B4GALNT4: variants seen among roughly 807,000 people sequenced by gnomAD.
B4GALNT4 encodes beta-1,4-N-acetyl-galactosaminyltransferase 4, also known as N-acetyl-beta-glucosaminyl-glycoprotein 4-beta-N-acetylgalactosaminyltransferase 1.
Under a neutral mutation model 110.0 loss-of-function variants are expected in B4GALNT4, and 77 were observed. The ratio of observed to expected loss-of-function variants is 0.70; its 90% confidence interval spans 0.58 to 0.85. The LOEUF is 0.85. Ranked by LOEUF, B4GALNT4 falls within the 40% of genes least tolerant of loss-of-function variation. The pLI is 0.00. For synonymous variants in B4GALNT4, 785 were observed against 655.5 expected (o/e 1.20, Z -3.02); for missense variants, 1,575 against 1,506.0 (o/e 1.05, Z -0.76).
intron 1 of B4GALNT4, among the ~76,000 whole-genome samples, 175 bp downstream of exon 1, chr11:370,129 C>G (rs2119629934): frequency 6.7e-6 from 1 of 149,698 alleles, no homozygotes; most frequent in South Asian, 2.1e-4. Context: ...AGACCCCGCC[C>G]GCTGTTCTCC....
At chr11:380,563 T>G in intron 18 of B4GALNT4, 118 bp downstream of exon 18, 2 of 1,419,556 alleles carry the variant, frequency 1.4e-6, no homozygotes, top group South Asian at 2.5e-5. Context: ...CCATCAGTGC[T>G]CCCCGTAGTG....
chr11:376,509 C>G lies in B4GALNT4; in HGVS notation c.1386C>G (p.Pro462=), dbSNP rs755189118. ...AAPPRSGPQS[P]APAAPAQPGA... The stretch of plus-strand genomic sequence containing the variant: ...CGCCCAGGAGCGGCCCCCAGTCCCC[C>G]GCCCCAGCAGCCCCCGCCCAGCCCG... Residue 462 remains proline (P), a synonymous_variant, in exon 14 of 20, where the codon CCC becomes CCG. Coordinates refer to ENST00000329962, the MANE Select transcript of B4GALNT4 (RefSeq NM_178537.5). The G allele has an allele frequency of 6.6e-7, 1 of 1,516,550 alleles. No homozygotes were observed. Among genetic ancestry groups the G allele is most frequent in the African/African-American group, 1.4e-5 (1 of 72,310 alleles). 93.9% of individuals were successfully genotyped at this position (1,516,550 alleles called of 1,614,324 possible). A position where few individuals can be genotyped will look rare whatever the true frequency, so the allele number is the denominator to read the frequency against.
chr11:376,431 C>T lies in B4GALNT4; in HGVS notation c.1308C>T (p.Asp436=), dbSNP rs1564870524. The T allele has an allele frequency of 1.3e-6, 2 of 1,597,570 alleles. No homozygotes were observed. Among genetic ancestry groups the T allele is most frequent in the East Asian group, 2.2e-5 (1 of 44,794 alleles). ...FLFLNPDDFL[D]DEDEGELLDS... is the part of the protein sequence containing the mutation. ...CCGCGTTTCCCGCAGACTTCCTGGA[C>T]GACGAGGACGAGGGGGAGCTGCTCG... The change falls in exon 14 of 20, where the codon GAC becomes GAT. Residue 436 remains aspartate, a synonymous_variant. Transcript: ENST00000329962.
In B4GALNT4 at chr11:369,578, G is replaced by T. The variant is rs1487460816; in HGVS notation, c.-226G>T. On this transcript the variant is annotated 5_prime_UTR_variant, in exon 1 of 20. Coordinates refer to ENST00000329962, the MANE Select transcript of B4GALNT4 (RefSeq NM_178537.5). Reference sequence around the variant, plus strand: ...CGGAGCCGGGAGCGGCCGGGCGGGGGGCACCGCGAGGAGCCGCCCCCGCCG... The same window carrying T: ...CGGAGCCGGGAGCGGCCGGGCGGGGTGCACCGCGAGGAGCCGCCCCCGCCG... Among the ~76,000 whole-genome samples, 1 of 143,222 alleles carries T rather than the reference G, an allele frequency of 7.0e-6. No homozygotes were observed. Among genetic ancestry groups the T allele is most frequent in the African/African-American group, 2.5e-5 (1 of 39,758 alleles). 94.0% of individuals were successfully genotyped at this position (143,222 alleles called of 152,430 possible).
rs560631193 is a variant in B4GALNT4, at chr11:373,121, G to A, written c.535+5G>A. The A allele has an allele frequency of 3.7e-6, 6 of 1,612,548 alleles. No homozygotes were observed. Among genetic ancestry groups the A allele is most frequent in the African/African-American group, 1.3e-5 (1 of 74,988 alleles). On this transcript the variant is annotated splice_donor_5th_base_variant and intron_variant, in intron 5 of 19. Coordinates refer to ENST00000329962, the MANE Select transcript of B4GALNT4 (RefSeq NM_178537.5). Reference sequence around the variant, plus strand: ...TCATCCACCCGGCGAGGGACGGTACGGGGGTGAGGGTGCCCCGGGGGAGGG... The same window carrying A: ...TCATCCACCCGGCGAGGGACGGTACAGGGGTGAGGGTGCCCCGGGGGAGGG...
Position 373,034 on chromosome 11 carries a change from C to G in B4GALNT4, c.453C>G (p.Thr151=). Residue 151 remains threonine, a synonymous_variant, in exon 5 of 20, where the codon ACC becomes ACG. Transcript: ENST00000329962. ...LHFPLFPHTR[T]TVKKLAVSPK... ...AGTCACTGCCCCCCCAGACGCGCAC[C>G]ACCGTGAAGAAGTTGGCCGTGTCCC... The G allele has an allele frequency of 6.2e-7, 1 of 1,612,592 alleles. No homozygotes were observed. Among genetic ancestry groups the G allele is most frequent in the Non-Finnish European group, 8.5e-7 (1 of 1,179,878 alleles).
rs750527299 is a variant in B4GALNT4 at position 376,057 on chromosome 11, G to GCCC, written c.1096-12_1096-10dup. On this transcript the variant is annotated splice_polypyrimidine_tract_variant and intron_variant, in intron 11 of 19. Transcript: ENST00000329962. Reference sequence around the variant, plus strand: ...GGGAGGTCCGCGCCCTGAGCCCTGCGCCCCCCCACCCCCCAGGTGTACCTG... The same window carrying GCCC: ...GGGAGGTCCGCGCCCTGAGCCCTGCGCCCCCCCCCCACCCCCCAGGTGTACCTG... 87 of 1,578,762 alleles carry GCCC rather than the reference G, an allele frequency of 5.5e-5. No individual in the cohort carries two copies. The highest frequency in any genetic ancestry group is 8.4e-5 in the Admixed American group (5 of 59,682).
In B4GALNT4 at chr11:377,091, C is replaced by A; in HGVS notation, c.1968C>A (p.Gly656=). ...AAGGGGAGGACGATGGGGCCCCGGGCGACGAGGCCGCGTCGGAGGACAGCG... is the reference window on the plus strand; with the variant it reads ...AAGGGGAGGACGATGGGGCCCCGGGAGACGAGGCCGCGTCGGAGGACAGCG... The part of the protein sequence containing the change: ...EEEGEDDGAP[G]DEAASEDSEE... The change falls in exon 14 of 20, where the codon GGC becomes GGA. Residue 656 remains glycine (G), a synonymous_variant. Coordinates refer to ENST00000329962, the MANE Select transcript of B4GALNT4 (RefSeq NM_178537.5). 1 of 1,452,290 alleles carries A rather than the reference C, an allele frequency of 6.9e-7. No individual in the cohort carries two copies. The highest frequency in any genetic ancestry group is 9.1e-7 in the Non-Finnish European group (1 of 1,102,924). 90.0% of individuals were successfully genotyped at this position (1,452,290 alleles called of 1,614,324 possible).
Position 375,623 on chromosome 11 carries a change from A to G in B4GALNT4, c.851-16A>G, listed in dbSNP as rs965660115. 5.6e-6 allele frequency: 9 copies of G among 1,593,072 alleles called. No individual in the cohort carries two copies. The Admixed American group carries it at 8.4e-5, about 15-fold the overall frequency. Reference sequence around the variant, plus strand: ...GGAGGGGGTCTGAGCACTCCCTGGAACTCTTCTGCCCCCAGATGAGTCAGC... The same window carrying G: ...GGAGGGGGTCTGAGCACTCCCTGGAGCTCTTCTGCCCCCAGATGAGTCAGC... On this transcript the variant is annotated splice_polypyrimidine_tract_variant and intron_variant, in intron 9 of 19. Coordinates refer to ENST00000329962, the MANE Select transcript of B4GALNT4 (RefSeq NM_178537.5).
chr11:372,949 T>G lies in B4GALNT4; in HGVS notation c.444+2T>G. On this transcript the variant is annotated splice_donor_variant, in intron 4 of 19. Transcript: ENST00000329962. LOFTEE classifies it high-confidence loss of function. The stretch of plus-strand genomic sequence containing the variant: ...CTGCACTTCCCGCTGTTCCCTCATG[T>G]GAGTGCCGGGGTTGGGGGGTGCCGG... The G allele has an allele frequency of 6.3e-7, 1 of 1,587,462 alleles. No homozygotes were observed. Among genetic ancestry groups the G allele is most frequent in the South Asian group, 1.1e-5 (1 of 90,456 alleles).
At chr11:381,324 A>G (rs1381997941) in intron 19 of B4GALNT4, among the ~76,000 whole-genome samples, 1 of 139,140 alleles carries the variant, frequency 7.2e-6, no homozygotes, top group African/African-American at 2.7e-5. Context: ...CGGGGTCCTG[A>G]CCACCTCTCC....
rs1364862227 is a variant in B4GALNT4 at position 375,560 on chromosome 11, C to T, written c.850+33C>T. 4.4e-6 allele frequency: 7 copies of T among 1,606,538 alleles called. No homozygotes were observed. In the South Asian group the frequency reaches 5.5e-5, roughly 13 times the overall value. ...CGGACGCCTCTGGGGATGTGGGGCT[C>T]CTCGGGATGGGCTCTGGGTGTGAGT... On this transcript the variant is annotated intron_variant, in intron 9 of 19. Transcript: ENST00000329962.
chr11:373,631 C>T, intron 7 of B4GALNT4, 115 bp downstream of exon 7: 1 of 1,515,354 alleles, frequency 6.6e-7, no homozygotes, highest in Non-Finnish European at 9.1e-7. Flanking sequence ...CCCGCCCGGC[C>T]AAGCTGCCAT....
At chr11:372,531 G>A in intron 2 of B4GALNT4, 131 bp from the exon 3 acceptor site, 1 of 842,122 alleles carries the variant, frequency 1.2e-6, no homozygotes, top group South Asian at 1.5e-5. Flanking sequence ...GGTTTGCATG[G>A]CTGGGGCTCA....
At position 376,533 on chromosome 11, in the gene B4GALNT4, C is replaced by T. The variant is rs1846757929; in HGVS notation, c.1410C>T (p.Pro470=). 2.1e-6 allele frequency: 3 copies of T among 1,433,388 alleles called. No homozygotes were observed. The highest frequency in any genetic ancestry group is 2.8e-5 in the East Asian group (1 of 35,788). 88.8% of individuals were successfully genotyped at this position (1,433,388 alleles called of 1,614,324 possible). ...QSPAPAAPAQ[P]GATLAPPTPP... is the part of the protein sequence containing the mutation. ...CCGCCCCAGCAGCCCCCGCCCAGCC[C>T]GGAGCCACCCTCGCCCCGCCGACCC... Residue 470 remains proline (P), a synonymous_variant, in exon 14 of 20, where the codon CCC becomes CCT. Coordinates refer to ENST00000329962, the MANE Select transcript of B4GALNT4 (RefSeq NM_178537.5).
At chr11:372,611 C>T in intron 2 of B4GALNT4, 51 bp from the exon 3 acceptor site, 2 of 1,461,010 alleles carry the variant, frequency 1.4e-6, no homozygotes, top group Non-Finnish European at 1.9e-6. Flanking sequence ...GTGTGTGTGA[C>T]CTCCTCCCTG....
At chr11:381,005 C>T in intron 19 of B4GALNT4, 54 bp downstream of exon 19, 2 of 1,575,120 alleles carry the variant, frequency 1.3e-6, no homozygotes, top group Non-Finnish European at 1.7e-6. Context: ...CGTCCTCCTC[C>T]TCTGAATGGG....
At position 375,715 on chromosome 11, in the gene B4GALNT4, G is replaced by T. The variant is rs1363430302; in HGVS notation, c.927G>T (p.Pro309=). Residue 309 remains proline, a synonymous_variant, in exon 10 of 20, where the codon CCG becomes CCT. Transcript: ENST00000329962. ...SPASHVGGRP[P]QEETSADMLR... is the part of the protein sequence containing the mutation. ...CCAGCCACGTGGGGGGGCGTCCGCC[G>T]CAGGAGGAGACCAGCGCAGACATGC... 4.4e-6 allele frequency: 7 copies of T among 1,595,312 alleles called. No homozygotes were observed. The East Asian group carries it at 8.9e-5, about 20-fold the overall frequency.
At chr11:370,954 A>T (rs1846608622) in intron 1 of B4GALNT4, among the ~76,000 whole-genome samples, 1 of 152,046 alleles carries the variant, frequency 6.6e-6, no homozygotes, top group South Asian at 2.1e-4. Context: ...CCACACCCTC[A>T]AGAGACCCCC....
Sources: gnomAD v4.1 joint callset for allele counts (sites outside exome capture counted in the v4.1 genomes callset) on GRCh38, gnomAD v4.1.1 for gene constraint, MANE v1.5 for transcripts, NCBI Gene and HGNC (gene_info 2026-07-23, HGNC 2026-07-21) for gene names.